The following RNF170 variants were observed in gnomAD, a reference collection of about 807,000 sequenced individuals.
RNF170 encodes E3 ubiquitin-protein ligase RNF170.
A neutral mutation model predicts 32.7 loss-of-function variants in RNF170; 12 were observed. The observed-to-expected ratio is 0.37, with a 90% CI of 0.24 to 0.60. The LOEUF (loss-of-function observed/expected upper bound fraction) is 0.60, where lower values mean the gene tolerates loss of function less well. Ranked by LOEUF, RNF170 falls within the 20% of genes least tolerant of loss-of-function variation. RNF170 has a pLI of 0.72. For missense variants in RNF170, 212 were observed against 311.2 expected (o/e 0.68, Z 2.40); for synonymous variants, 91 against 103.6 (o/e 0.88, Z 0.74).
At chr8:42,885,763 G>A (rs1320362279) in intron 2 of RNF170, among the ~76,000 whole-genome samples, 1 of 151,632 alleles carries the variant, frequency 6.6e-6, no homozygotes, top group Non-Finnish European at 1.5e-5. Context: ...TTATTTTTTT[G>A]TTTTGTTTTT....
chr8:42,864,709 C>T (rs970733224), intron 5 of RNF170, among the ~76,000 whole-genome samples: 5 of 149,496 alleles, frequency 3.3e-5, no homozygotes, highest in African/African-American at 9.9e-5. Flanking sequence ...AGGAATGAAA[C>T]ATTAAAAAAA....
At chr8:42,892,714 C>T (rs1586563480) in intron 1 of RNF170, among the ~76,000 whole-genome samples, 1 of 147,702 alleles carries the variant, frequency 6.8e-6, no homozygotes, top group East Asian at 2.0e-4. Context: ...CAGGCCAGTG[C>T]TGTGATTCAC....
rs1351262377 is a variant in RNF170 at position 42,896,499 on chromosome 8, G to T, written c.-23C>A. On this transcript the variant is annotated 5_prime_UTR_variant, in exon 1 of 7. Coordinates refer to ENST00000527424, the MANE Select transcript of RNF170 (RefSeq NM_030954.4). Reference sequence around the variant, plus strand: ...CCGGACGTACCTCTCCACCGCGAAGGAACTACCTCGCCAGTTCCCGGCGAC... The same window carrying T: ...CCGGACGTACCTCTCCACCGCGAAGTAACTACCTCGCCAGTTCCCGGCGAC... 2.2e-6 allele frequency: 1 copy of T among 453,974 alleles called. No individual in the cohort carries two copies. Among genetic ancestry groups the T allele is most frequent in the Non-Finnish European group, 4.4e-6 (1 of 226,728 alleles). The allele number at this position is 453,974 out of a possible 1,614,324, so 28.1% of individuals were successfully genotyped here. A position where few individuals can be genotyped will look rare whatever the true frequency, so the allele number is the denominator to read the frequency against.
chr8:42,850,347 T>C (rs1169766907), downstream of RNF170: 5 of 216,360 alleles, frequency 2.3e-5, no homozygotes, highest in African/African-American at 6.8e-5. Flanking sequence ...TCGGGCTGCG[T>C]TGCATGTAGG....
chr8:42,855,262 C>G lies in RNF170; in HGVS notation c.*897G>C. ...TTTTTTTTTTTGAGAGGGAGTCTCACTCTGTTGCCCAGGCTGGAGTGCAGT... is the reference window on the plus strand; with the variant it reads ...TTTTTTTTTTTGAGAGGGAGTCTCAGTCTGTTGCCCAGGCTGGAGTGCAGT... On this transcript the variant is annotated 3_prime_UTR_variant, in exon 7 of 7. Transcript: ENST00000527424. The G allele has an allele frequency of 2.4e-6, 3 of 1,244,194 alleles. No homozygotes were observed. The highest frequency in any genetic ancestry group is 3.1e-6 in the Non-Finnish European group (3 of 957,934). 77.1% of individuals were successfully genotyped at this position (1,244,194 alleles called of 1,614,324 possible).
At position 42,853,701 on chromosome 8, in the gene RNF170, C is replaced by G; in HGVS notation, c.*2458G>C. ...CTATGATGTTCAAAACTCTGATTGA[C>G]TCTACTTGCTTTAAAAACTCTCAGA... On this transcript the variant is annotated 3_prime_UTR_variant, in exon 7 of 7. Transcript: ENST00000527424. 6 of 1,287,172 alleles carry G rather than the reference C, an allele frequency of 4.7e-6. No individual in the cohort carries two copies. The highest frequency in any genetic ancestry group is 6.1e-6 in the Non-Finnish European group (6 of 988,666). 79.7% of individuals were successfully genotyped at this position (1,287,172 alleles called of 1,614,324 possible). A position where few individuals can be genotyped will look rare whatever the true frequency, so the allele number is the denominator to read the frequency against.
intron 2 of RNF170, chr8:42,881,189 G>C (rs1805371100): frequency 6.6e-6 from 1 of 152,162 alleles, no homozygotes; most frequent in Admixed American, 6.5e-5. Context: ...ATTCAAAAAT[G>C]GGCAATGGTC....
chr8:42,892,066 C>G (rs1007272445), intron 1 of RNF170, among the ~76,000 whole-genome samples: 1 of 152,202 alleles, frequency 6.6e-6, no homozygotes, highest in Non-Finnish European at 1.5e-5. Flanking sequence ...GTGCCTACTC[C>G]GGAGGCACCT....
intron 1 of RNF170, chr8:42,896,135 G>A (rs763852973): frequency 8.0e-5 from 17 of 212,330 alleles, no homozygotes; most frequent in Non-Finnish European, 1.4e-4. Flanking sequence ...GGGGTCGGCC[G>A]GTGTCCTTAC....
chr8:42,875,093 C>T (rs574110893), intron 2 of RNF170, among the ~76,000 whole-genome samples: 1 of 152,022 alleles, frequency 6.6e-6, no homozygotes, highest in African/African-American at 2.4e-5. Context: ...ATCGCTTAAA[C>T]CCCGGAGGTG....
chr8:42,874,202 T>C (rs1804735965), intron 2 of RNF170, among the ~76,000 whole-genome samples, 196 bp from the exon 3 acceptor site: 1 of 152,212 alleles, frequency 6.6e-6, no homozygotes, highest in African/African-American at 2.4e-5. Context: ...ATTAGCCAAT[T>C]TCAGGTTCAA....
At chr8:42,850,830 C>T (rs549664469), downstream of RNF170, 22 of 1,551,532 alleles carry the variant, frequency 1.4e-5, no homozygotes, top group African/African-American at 8.2e-5. Flanking sequence ...AGTCTAGTAA[C>T]GTGAAGCATA....
intron 2 of RNF170, among the ~76,000 whole-genome samples, chr8:42,887,358 C>T (rs1805908373): frequency 6.6e-6 from 1 of 152,084 alleles, no homozygotes; most frequent in Non-Finnish European, 1.5e-5. Context: ...TTTTACTATA[C>T]AAGTCTTTTT....
At chr8:42,877,139 G>A (rs1586528674) in intron 2 of RNF170, among the ~76,000 whole-genome samples, 1 of 151,002 alleles carries the variant, frequency 6.6e-6, no homozygotes, top group African/African-American at 2.4e-5. Context: ...TGTTAGCCAG[G>A]ATGGTCTCGA....
At chr8:42,850,271 ACTTTAC>A (rs1431870538), downstream of RNF170, 2 of 171,216 alleles carry the variant, frequency 1.2e-5, no homozygotes, top group East Asian at 1.6e-4. Context: ...TGGCGTGAGG[ACTTTAC>A]CTTTACTCTG....
At chr8:42,850,777 T>C (rs1802920241), downstream of RNF170, 1 of 1,551,462 alleles carries the variant, frequency 6.4e-7, no homozygotes, top group Non-Finnish European at 8.7e-7. Context: ...GTAGTCTGAG[T>C]GAGGAGGGAA....
At position 42,854,697 on chromosome 8, in the gene RNF170, A is replaced by G. The variant is rs1803110725; in HGVS notation, c.*1462T>C. The G allele has an allele frequency of 1.6e-6, 2 of 1,287,276 alleles. No homozygotes were observed. Among genetic ancestry groups the G allele is most frequent in the Non-Finnish European group, 1.0e-6 (1 of 988,674 alleles). 79.7% of individuals were successfully genotyped at this position (1,287,276 alleles called of 1,614,324 possible). On this transcript the variant is annotated 3_prime_UTR_variant, in exon 7 of 7. Transcript: ENST00000527424. ...TCTGCATATAGTGAAGCTCACTAAT[A>G]AATTAATGGATGATATTAATAGCAG...
intron 2 of RNF170, among the ~76,000 whole-genome samples, chr8:42,886,885 G>A (rs1805870071): frequency 6.6e-6 from 1 of 152,160 alleles, no homozygotes; most frequent in African/African-American, 2.4e-5. Flanking sequence ...TGGGCATAGT[G>A]GCTCATGAGT....
intron 6 of RNF170, among the ~76,000 whole-genome samples, chr8:42,859,532 C>T (rs960072048): frequency 2.6e-5 from 4 of 152,072 alleles, no homozygotes; most frequent in East Asian, 1.9e-4. Context: ...GAGGCTGAGG[C>T]GGCAGGATGG....
Sources: allele counts gnomAD v4.1 joint callset (sites outside exome capture counted in the v4.1 genomes callset), GRCh38; gene constraint gnomAD v4.1.1; transcripts MANE v1.5; gene names NCBI Gene and HGNC (gene_info 2026-07-23, HGNC 2026-07-21).